The following TMEM234 variants were observed in gnomAD, a reference collection of about 807,000 sequenced individuals.
TMEM234 encodes the protein transmembrane protein 234, also known as chromosome 1 open reading frame 91.
TMEM234 carries 21 observed loss-of-function variants against 17.8 expected under a neutral mutation model. That is an observed-to-expected ratio of 1.18 (90% CI 0.84 to 1.70). TMEM234 has a LOEUF of 1.70. Among genes scored for constraint, TMEM234 ranks in the 40% most tolerant of loss-of-function variants. The pLI is 0.00. For synonymous variants in TMEM234, 83 were observed against 73.5 expected, an observed-to-expected ratio of 1.13 and a Z score of -0.66; for missense variants, 137 against 166.9, an observed-to-expected ratio of 0.82 and a Z score of 0.99.
At chr1:32,222,210 T>C (rs1247627124) in intron 1 of TMEM234, 97 bp downstream of exon 1, 3 of 1,507,430 alleles carry the variant, frequency 2.0e-6, no homozygotes, top group African/African-American at 2.8e-5. Context: ...CCTCTGGGGT[T>C]GTAGCAGGGG....
chr1:32,221,250 GCCTTCTTT>G, intron 2 of TMEM234, 53 bp from the exon 3 acceptor site: 1 of 1,413,222 alleles, frequency 7.1e-7, no homozygotes, highest in South Asian at 1.2e-5. Context: ...GAGCAGCACT[GCCTTCTTT>G]GAGCTCCTAG....
intron 3 of TMEM234, among the ~76,000 whole-genome samples, chr1:32,218,284 G>A (rs1638593283): frequency 6.6e-6 from 1 of 151,772 alleles, no homozygotes; most frequent in Admixed American, 6.6e-5. Context: ...AAATTAGCCA[G>A]GCATAGTGGC....
chr1:32,222,343 CT>C lies in TMEM234; in HGVS notation c.-22del, dbSNP rs1282340394. The C allele has an allele frequency of 1.9e-6, 3 of 1,564,730 alleles. No individual in the cohort carries two copies. The highest frequency in any genetic ancestry group is 1.7e-6 in the Non-Finnish European group (2 of 1,151,852). On this transcript the variant is annotated 5_prime_UTR_variant, in exon 1 of 5. Coordinates refer to ENST00000309777, the MANE Select transcript of TMEM234 (RefSeq NM_019118.5). ...GCCATGGCAACGCCGCTGTCTTCTA[CT>C]TCCGGGAACGAAGGGGCGGAGACCC...
chr1:32,216,985 A>G (rs1468201719), intron 4 of TMEM234, 38 bp from the exon 5 acceptor site: 1 of 1,613,610 alleles, frequency 6.2e-7, no homozygotes, highest in South Asian at 1.1e-5. Flanking sequence ...GTCTGAGCTC[A>G]GCCATGCCAG....
downstream of TMEM234, chr1:32,214,996 C>T (rs1638259615): frequency 6.3e-7 from 1 of 1,594,818 alleles, no homozygotes; most frequent in East Asian, 2.2e-5. Flanking sequence ...AGGTTGGTCC[C>T]TGCTGTTGTT....
chr1:32,218,086 G>T (rs1025492087), intron 3 of TMEM234, among the ~76,000 whole-genome samples: 1 of 152,222 alleles, frequency 6.6e-6, no homozygotes, highest in Non-Finnish European at 1.5e-5. Flanking sequence ...CCTTAATTTT[G>T]AAGTTCCAAG....
At chr1:32,222,228 T>C (rs1266444645) in intron 1 of TMEM234, 79 bp downstream of exon 1, 1 of 1,522,618 alleles carries the variant, frequency 6.6e-7, no homozygotes, top group East Asian at 2.3e-5. Context: ...GGGTCGGGGT[T>C]AGAGGGTGGA....
At chr1:32,214,610 C>G, downstream of TMEM234, 1 of 747,860 alleles carries the variant, frequency 1.3e-6, no homozygotes, top group South Asian at 1.9e-5. Context: ...ATCTACTGCT[C>G]TGTCCCTGGA....
In TMEM234 at chr1:32,221,885, G is replaced by C. The variant is rs199528110; in HGVS notation, c.150C>G (p.Thr50=). The stretch of plus-strand genomic sequence containing the variant: ...GACGCACCTCAGTATTCAAGAAGAG[G>C]GTCTTCATCTCCTGTAGCAACTGCT... ...WAQQLLQEMK[T]LFLNTEYLMP... Residue 50 remains threonine (T), a synonymous_variant, in exon 2 of 5, where the codon ACC becomes ACG. Coordinates refer to ENST00000309777, the MANE Select transcript of TMEM234 (RefSeq NM_019118.5). 468 of 1,612,848 alleles carry C rather than the reference G, an allele frequency of 2.9e-4. No homozygotes were observed. Among genetic ancestry groups the C allele is most frequent in the Non-Finnish European group, 3.8e-4 (443 of 1,179,964 alleles).
chr1:32,217,608 A>C (rs1219332938), intron 3 of TMEM234: 5 of 735,368 alleles, frequency 6.8e-6, no homozygotes, highest in Middle Eastern at 2.3e-4. Flanking sequence ...AGGTCTTTGC[A>C]CTCAAAGAGA....
intron 3 of TMEM234, among the ~76,000 whole-genome samples, chr1:32,219,830 G>A (rs1023696048): frequency 6.6e-6 from 1 of 152,142 alleles, no homozygotes; most frequent in African/African-American, 2.4e-5. Flanking sequence ...ATCTTGGTTA[G>A]GATATTCAAA....
In TMEM234 at chr1:32,216,391, C is replaced by T. The variant is rs1414285105; in HGVS notation, c.*462G>A. On this transcript the variant is annotated 3_prime_UTR_variant, in exon 5 of 5. Coordinates refer to ENST00000309777, the MANE Select transcript of TMEM234 (RefSeq NM_019118.5). ...TCTGCCACTCCGACGCACCTTCTTCCCTCGGTTCCACCCCTCATTCAGCCA... is the reference window on the plus strand; with the variant it reads ...TCTGCCACTCCGACGCACCTTCTTCTCTCGGTTCCACCCCTCATTCAGCCA... 1.9e-6 allele frequency: 3 copies of T among 1,551,370 alleles called. No individual in the cohort carries two copies.
Position 32,216,550 on chromosome 1 carries a change from T to C in TMEM234, c.*303A>G. 6.5e-7 allele frequency: 1 copy of C among 1,548,876 alleles called. No individual in the cohort carries two copies. Among genetic ancestry groups the C allele is most frequent in the African/African-American group, 1.4e-5 (1 of 73,112 alleles). ...CATGATAGTCCAGATCAGGCCACAGTAATGGTGGCTGGGCTGGGAGCCTGA... is the reference window on the plus strand; with the variant it reads ...CATGATAGTCCAGATCAGGCCACAGCAATGGTGGCTGGGCTGGGAGCCTGA... On this transcript the variant is annotated 3_prime_UTR_variant, in exon 5 of 5. Coordinates refer to ENST00000309777, the MANE Select transcript of TMEM234 (RefSeq NM_019118.5).
chr1:32,215,490 G>A (rs373546059), downstream of TMEM234: 5 of 1,613,754 alleles, frequency 3.1e-6, no homozygotes, highest in Middle Eastern at 1.7e-4. Context: ...GACAGCGGGG[G>A]CCCTGGAAGT....
At chr1:32,221,440 A>G (rs1324410788) in intron 2 of TMEM234, among the ~76,000 whole-genome samples, 2 of 152,076 alleles carry the variant, frequency 1.3e-5, no homozygotes, top group Non-Finnish European at 2.9e-5. Flanking sequence ...CTTGAAGCCA[A>G]TGTCAGCCCC....
intron 1 of TMEM234, 70 bp downstream of exon 1, chr1:32,222,237 G>A: frequency 1.3e-6 from 2 of 1,524,820 alleles, no homozygotes; most frequent in African/African-American, 1.4e-5. Context: ...TTAGAGGGTG[G>A]ATGTGGAGCA....
intron 1 of TMEM234, 84 bp from the exon 2 acceptor site, chr1:32,222,102 A>C (rs1223672108): frequency 1.7e-5 from 25 of 1,503,372 alleles, no homozygotes; most frequent in Non-Finnish European, 2.1e-5. Context: ...AGCCCCAGCT[A>C]GCCGCCCCCA....
chr1:32,215,079 CTG>C, downstream of TMEM234: 1 of 1,163,198 alleles, frequency 8.6e-7, no homozygotes, highest in Non-Finnish European at 1.2e-6. Flanking sequence ...ATAAAGGAGT[CTG>C]AACCTACTGT....
downstream of TMEM234, chr1:32,215,190 A>G: frequency 1.7e-6 from 1 of 588,584 alleles, no homozygotes; most frequent in South Asian, 2.5e-5. Context: ...CCTTCTTCAC[A>G]GGGCCTCATC....
Sources: allele counts gnomAD v4.1 joint callset (sites outside exome capture counted in the v4.1 genomes callset), GRCh38; gene constraint gnomAD v4.1.1; transcripts MANE v1.5; gene names NCBI Gene and HGNC (gene_info 2026-07-23, HGNC 2026-07-21).